SLC24A3: variants seen among roughly 807,000 people sequenced by gnomAD.
SLC24A3 encodes the protein sodium/potassium/calcium exchanger 3.
A neutral mutation model predicts 75.8 loss-of-function variants in SLC24A3; 28 were observed. The ratio of observed to expected loss-of-function variants is 0.37; its 90% CI spans 0.27 to 0.51. The LOEUF is 0.51. SLC24A3 is among the 20% of genes least tolerant of loss of function. The probability of loss-of-function intolerance (pLI) is 0.94; values close to 1 mark genes in which losing one functional copy is unlikely to be tolerated. For missense variants in SLC24A3, 663 were observed against 847.8 expected (o/e 0.78, Z 2.71); for synonymous variants, 372 against 334.1 (o/e 1.11, Z -1.24).
rs73902332 is a variant in SLC24A3 at position 19,363,075 on chromosome 20, G to A, written c.271+81988G>A. 2.6e-3 allele frequency among the ~76,000 whole-genome samples: 400 copies of A among 152,282 alleles called. 3 individuals are homozygous for A. Among genetic ancestry groups the A allele is most frequent in the African/African-American group, 9.4e-3 (390 of 41,558 alleles). Reference sequence around the variant, plus strand: ...GAACTGACAGGTGTTTTCCTGGCCTGTGAGCTCCCCAGGTGGAGATGCTCC... The same window carrying A: ...GAACTGACAGGTGTTTTCCTGGCCTATGAGCTCCCCAGGTGGAGATGCTCC... On this transcript the variant is annotated intron_variant, in intron 2 of 16. Transcript: ENST00000328041.
At chr20:19,689,777 C>T (rs1291835432) in intron 12 of SLC24A3, among the ~76,000 whole-genome samples, 1 of 152,036 alleles carries the variant, frequency 6.6e-6, no homozygotes, top group Non-Finnish European at 1.5e-5. Context: ...CCTGTAATCC[C>T]AGAACTTTGG....
intron 2 of SLC24A3, chr20:19,284,372 T>G (rs1225083206): frequency 1.3e-5 from 2 of 152,836 alleles, no homozygotes; most frequent in Non-Finnish European, 2.9e-5. Flanking sequence ...CTGGGCACAA[T>G]GAATACTACT....
intron 9 of SLC24A3, among the ~76,000 whole-genome samples, chr20:19,681,130 C>T (rs1040316411): frequency 7.9e-5 from 12 of 152,214 alleles, no homozygotes; most frequent in South Asian, 2.1e-4. Context: ...AAAAAACCAT[C>T]CTCGGAACTT....
chr20:19,714,980 C>G (rs1005320481), intron 15 of SLC24A3, among the ~76,000 whole-genome samples: 7 of 152,208 alleles, frequency 4.6e-5, no homozygotes, highest in African/African-American at 1.7e-4. Context: ...GCAAGCTGTG[C>G]TGGAAATGCA....
intron 1 of SLC24A3, among the ~76,000 whole-genome samples, chr20:19,253,840 T>C (rs960062350): frequency 2.0e-5 from 3 of 152,246 alleles, no homozygotes; most frequent in Non-Finnish European, 2.9e-5. Flanking sequence ...CCTGACAAGC[T>C]TGATAGGCCT....
chr20:19,340,893 G>A (rs6035302), intron 2 of SLC24A3, among the ~76,000 whole-genome samples: 1 of 152,022 alleles, frequency 6.6e-6, no homozygotes, highest in Non-Finnish European at 1.5e-5. Flanking sequence ...TCCCCACCAC[G>A]ATGGAATGAA....
intron 3 of SLC24A3, among the ~76,000 whole-genome samples, chr20:19,543,628 G>A (rs375013066): frequency 9.2e-5 from 14 of 152,228 alleles, no homozygotes; most frequent in South Asian, 6.2e-4. Flanking sequence ...CACTCCCACC[G>A]GGTGGGAGGG....
intron 1 of SLC24A3, among the ~76,000 whole-genome samples, chr20:19,267,515 C>T (rs920800596): frequency 2.0e-5 from 3 of 152,060 alleles, no homozygotes; most frequent in Non-Finnish European, 4.4e-5. Flanking sequence ...TATAAAAATC[C>T]ATTTTTTTAA....
intron 9 of SLC24A3, among the ~76,000 whole-genome samples, chr20:19,675,578 AATGGT>A (rs2032512897): frequency 6.6e-6 from 1 of 152,220 alleles, no homozygotes; most frequent in South Asian, 2.1e-4. Context: ...GGAGCCATCC[AATGGT>A]TACTGTAGAC....
chr20:19,691,988 C>T (rs2032750395), intron 12 of SLC24A3, among the ~76,000 whole-genome samples: 2 of 152,098 alleles, frequency 1.3e-5, no homozygotes, highest in African/African-American at 4.8e-5. Flanking sequence ...TGTGCCTCGG[C>T]CCTTTAAGAG....
intron 4 of SLC24A3, among the ~76,000 whole-genome samples, chr20:19,581,796 C>A (rs948032047): frequency 1.3e-5 from 2 of 152,170 alleles, no homozygotes; most frequent in African/African-American, 4.8e-5. Flanking sequence ...ATTTCCAAGT[C>A]TTCAGGCTTT....
chr20:19,383,545 G>A (rs1986220599), intron 2 of SLC24A3, among the ~76,000 whole-genome samples: 1 of 152,170 alleles, frequency 6.6e-6, no homozygotes, highest in South Asian at 2.1e-4. Context: ...CCTTCTGCCT[G>A]TCGTGCTTGA....
chr20:19,336,882 G>C (rs922941176), intron 2 of SLC24A3, among the ~76,000 whole-genome samples: 1 of 152,060 alleles, frequency 6.6e-6, no homozygotes, highest in Non-Finnish European at 1.5e-5. Flanking sequence ...ACACGAACAT[G>C]CTATGTGGCC....
At chr20:19,702,264 G>A (rs1472362201) in intron 15 of SLC24A3, among the ~76,000 whole-genome samples, 1 of 152,134 alleles carries the variant, frequency 6.6e-6, no homozygotes, top group Non-Finnish European at 1.5e-5. Flanking sequence ...AGCTATGAAA[G>A]TATACTCTTT....
At chr20:19,631,791 A>AGAGT (rs1555803686) in intron 6 of SLC24A3, among the ~76,000 whole-genome samples, 7 of 147,838 alleles carry the variant, frequency 4.7e-5, no homozygotes, top group African/African-American at 1.8e-4. Flanking sequence ...TATGAGTGAG[A>AGAGT]GTGTGTGTGT....
At chr20:19,612,695 C>T (rs73605529) in intron 6 of SLC24A3, among the ~76,000 whole-genome samples, 5 of 151,658 alleles carry the variant, frequency 3.3e-5, no homozygotes, top group Non-Finnish European at 7.4e-5. Context: ...GATCACCCCC[C>T]CTCTGCTGCC....
At chr20:19,697,256 C>T (rs1480725052) in intron 14 of SLC24A3, among the ~76,000 whole-genome samples, 1 of 152,148 alleles carries the variant, frequency 6.6e-6, no homozygotes, top group Non-Finnish European at 1.5e-5. Flanking sequence ...CTAGGTAGCA[C>T]CCATAGCCCC....
At chr20:19,227,234 A>G (rs1178421703) in intron 1 of SLC24A3, among the ~76,000 whole-genome samples, 1 of 152,234 alleles carries the variant, frequency 6.6e-6, no homozygotes, top group Non-Finnish European at 1.5e-5. Context: ...AACGTTTTAC[A>G]CGTTTGTTGA....
At chr20:19,482,759 C>A (rs1242213455) in intron 2 of SLC24A3, among the ~76,000 whole-genome samples, 1 of 152,150 alleles carries the variant, frequency 6.6e-6, no homozygotes, top group Non-Finnish European at 1.5e-5. Context: ...CAGTGAGAAC[C>A]CTTCTGCTGA....
Sources: allele counts gnomAD v4.1 joint callset (sites outside exome capture counted in the v4.1 genomes callset), GRCh38; gene constraint gnomAD v4.1.1; transcripts MANE v1.5; gene names NCBI Gene and HGNC (gene_info 2026-07-23, HGNC 2026-07-21).